PEAK1: variants seen among roughly 807,000 people sequenced by gnomAD.
PEAK1 encodes pseudopodium enriched atypical kinase 1, also known as inactive tyrosine-protein kinase PEAK1.
A neutral mutation model predicts 124.7 loss-of-function variants in PEAK1; 54 were observed. The observed-to-expected ratio is 0.43, with a 90% CI of 0.35 to 0.54. PEAK1 has a LOEUF of 0.54. Among genes scored for constraint, PEAK1 ranks in the 20% least tolerant of loss-of-function variants. The pLI, the probability that PEAK1 is intolerant of heterozygous loss-of-function variation, is 0.01. For missense variants in PEAK1, 2,046 were observed against 2,134.5 expected (o/e 0.96, Z 0.82); for synonymous variants, 719 against 760.0 (o/e 0.95, Z 0.89).
intron 8 of PEAK1, among the ~76,000 whole-genome samples, chr15:77,148,753 CAA>C (rs947968722): frequency 7.4e-6 from 1 of 135,378 alleles, no homozygotes; most frequent in African/African-American, 2.7e-5. Flanking sequence ...TCTATCTCTA[CAA>C]AAAAAAAAAA....
chr15:77,345,191 A>G (rs1301061679), intron 2 of PEAK1, among the ~76,000 whole-genome samples: 1 of 152,144 alleles, frequency 6.6e-6, no homozygotes, highest in Non-Finnish European at 1.5e-5. Context: ...TATGGCCTAC[A>G]TTATGTTGAG....
chr15:77,362,239 A>T (rs2067936574), intron 2 of PEAK1, among the ~76,000 whole-genome samples: 1 of 152,200 alleles, frequency 6.6e-6, no homozygotes, highest in Non-Finnish European at 1.5e-5. Flanking sequence ...AAGAAATGAT[A>T]AATGTCTGAG....
intron 2 of PEAK1, among the ~76,000 whole-genome samples, chr15:77,294,744 A>G (rs1407056530): frequency 6.6e-6 from 1 of 152,206 alleles, no homozygotes; most frequent in African/African-American, 2.4e-5. Flanking sequence ...AATACCTAGT[A>G]TAGATGCTGG....
At chr15:77,139,491 C>A (rs755339504) in intron 8 of PEAK1, among the ~76,000 whole-genome samples, 1 of 152,068 alleles carries the variant, frequency 6.6e-6, no homozygotes, top group Non-Finnish European at 1.5e-5. Context: ...ACCACAAACA[C>A]GTGAGTAATG....
rs897089807 is a variant in PEAK1 at position 77,286,427 on chromosome 15, T to C, written c.-525A>G. The C allele has an allele frequency of 6.2e-5, 75 of 1,218,334 alleles. No individual in the cohort carries two copies. The highest frequency in any genetic ancestry group is 7.6e-5 in the Non-Finnish European group (74 of 976,146). The allele number at this position is 1,218,334 out of a possible 1,614,324, so 75.5% of individuals were successfully genotyped here. A position where few individuals can be genotyped will look rare whatever the true frequency, so the allele number is the denominator to read the frequency against. On this transcript the variant is annotated 5_prime_UTR_variant, in exon 3 of 10. Coordinates refer to ENST00000682557, the MANE Select transcript of PEAK1 (RefSeq NM_001385026.1). The stretch of plus-strand genomic sequence containing the variant: ...ATGGAAAGAAAAAGTACAAACCTGG[T>C]TTAATTGGCTCCAACTCTGGGCATT...
intron 2 of PEAK1, among the ~76,000 whole-genome samples, chr15:77,353,802 C>G (rs2067340988): frequency 6.6e-6 from 1 of 152,184 alleles, no homozygotes; most frequent in African/African-American, 2.4e-5. Flanking sequence ...TCCACAATGT[C>G]TCCCAGCAGA....
intron 1 of PEAK1, chr15:77,417,363 TAAGGAAA>T: frequency 1.0e-6 from 1 of 980,370 alleles, no homozygotes; most frequent in South Asian, 4.7e-5. Flanking sequence ...TCTACTTCAC[TAAGGAAA>T]ACAAACCAGC....
At chr15:77,327,971 C>T (rs2065679466) in intron 2 of PEAK1, among the ~76,000 whole-genome samples, 2 of 152,098 alleles carry the variant, frequency 1.3e-5, no homozygotes, top group African/African-American at 4.8e-5. Context: ...AAAGATGCCT[C>T]CAATATCACA....
In PEAK1 at chr15:77,133,768, C is replaced by T. The variant is rs2053084568; in HGVS notation, c.3332-18G>A. 1.3e-6 allele frequency: 2 copies of T among 1,521,248 alleles called. No homozygotes were observed. Among genetic ancestry groups the T allele is most frequent in the South Asian group, 2.6e-5 (2 of 75,726 alleles). 94.2% of individuals were successfully genotyped at this position (1,521,248 alleles called of 1,614,324 possible). A position where few individuals can be genotyped will look rare whatever the true frequency, so the allele number is the denominator to read the frequency against. The stretch of plus-strand genomic sequence containing the variant: ...AGATTGCCCTGTATTGTTTTTAAAG[C>T]AATAAAAAGAAAAGAGTAAGTAAAG... On this transcript the variant is annotated intron_variant, in intron 8 of 9. Transcript: ENST00000682557. The surrounding 1 kb of genome is among the most constrained non-coding windows in gnomAD (Gnocchi z 4.2).
intron 4 of PEAK1, 69 bp downstream of exon 4, chr15:77,284,889 A>G (rs1363985327): frequency 1.9e-5 from 2 of 105,402 alleles, no homozygotes; most frequent in Non-Finnish European, 4.0e-5. Flanking sequence ...CTTCTCTACT[A>G]AAACACACAC....
chr15:77,212,318 C>T (rs930345223), intron 6 of PEAK1, among the ~76,000 whole-genome samples: 1 of 152,082 alleles, frequency 6.6e-6, no homozygotes, highest in African/African-American at 2.4e-5. Flanking sequence ...ATTCAATGAC[C>T]TCTTTGGTAT....
chr15:77,159,119 T>A (rs1016833341), intron 7 of PEAK1, among the ~76,000 whole-genome samples: 1 of 152,086 alleles, frequency 6.6e-6, no homozygotes, highest in Non-Finnish European at 1.5e-5. Flanking sequence ...TAGTTTTAAT[T>A]TATATATAGT....
chr15:77,305,361 T>G (rs906658068), intron 2 of PEAK1, among the ~76,000 whole-genome samples: 1 of 151,964 alleles, frequency 6.6e-6, no homozygotes, highest in Admixed American at 6.6e-5. Context: ...GCAGAGAAAT[T>G]AAGTCATTTG....
At chr15:77,276,464 T>C (rs2062334166) in intron 5 of PEAK1, among the ~76,000 whole-genome samples, 1 of 152,206 alleles carries the variant, frequency 6.6e-6, no homozygotes, top group Non-Finnish European at 1.5e-5. Flanking sequence ...GAGAAAAGGC[T>C]TGTTAACTCA....
At chr15:77,399,511 A>G (rs554232078) in intron 1 of PEAK1, among the ~76,000 whole-genome samples, 15 of 152,304 alleles carry the variant, frequency 9.8e-5, no homozygotes, top group Admixed American at 5.2e-4. Flanking sequence ...CCAAAAACAA[A>G]TGCATACATC....
At chr15:77,358,736 T>C (rs927957599) in intron 2 of PEAK1, among the ~76,000 whole-genome samples, 1 of 152,186 alleles carries the variant, frequency 6.6e-6, no homozygotes, top group African/African-American at 2.4e-5. Context: ...ATCAACTTTA[T>C]ATGGGGAAGC....
intron 6 of PEAK1, among the ~76,000 whole-genome samples, chr15:77,227,274 A>G (rs1405782860): frequency 6.6e-6 from 1 of 152,206 alleles, no homozygotes; most frequent in African/African-American, 2.4e-5. Flanking sequence ...GTAGGCATCC[A>G]TTAAATCATC....
chr15:77,211,647 G>A (rs2058910530), intron 6 of PEAK1, among the ~76,000 whole-genome samples: 1 of 152,006 alleles, frequency 6.6e-6, no homozygotes, highest in African/African-American at 2.4e-5. Context: ...TCAGGAGTTT[G>A]AGACCAGCTG....
chr15:77,212,451 G>A (rs1400988869), intron 6 of PEAK1, among the ~76,000 whole-genome samples: 4 of 151,802 alleles, frequency 2.6e-5, no homozygotes, highest in Non-Finnish European at 5.9e-5. Context: ...CCTAACTTTC[G>A]GAAAAAAGGT....
Sources: gnomAD v4.1 joint callset for allele counts (sites outside exome capture counted in the v4.1 genomes callset) on GRCh38, gnomAD v4.1.1 for gene constraint, Gnocchi (gnomAD v3.1) non-coding constraint, MANE v1.5 for transcripts, NCBI Gene and HGNC (gene_info 2026-07-23, HGNC 2026-07-21) for gene names.